The following GRIA3 variants were observed in gnomAD, a reference collection of about 807,000 sequenced individuals.
GRIA3 encodes the protein glutamate receptor 3.
GRIA3 carries 3 observed loss-of-function variants against 63.0 expected under a neutral mutation model. The observed-to-expected ratio is 0.05, with a 90% CI of 0.02 to 0.12. GRIA3 has a LOEUF of 0.12. GRIA3 is among the 10% of genes least tolerant of loss of function. The pLI is 1.00. For synonymous variants in GRIA3, 274 were observed against 257.9 expected (o/e 1.06, Z -0.60); for missense variants, 347 against 700.9 (o/e 0.50, Z 5.70).
At chrX:123,277,429 A>C (rs777307130) in intron 3 of GRIA3, among the ~76,000 whole-genome samples, 38 of 111,549 alleles carry the variant, frequency 3.4e-4, no homozygotes, top group Non-Finnish European at 6.0e-4. Flanking sequence ...GAATGAAGCT[A>C]GAAAAAGGGG....
At chrX:123,247,869 CAGAG>C (rs909571625) in intron 2 of GRIA3, among the ~76,000 whole-genome samples, 6 of 109,260 alleles carry the variant, frequency 5.5e-5, no homozygotes, top group African/African-American at 1.3e-4. Flanking sequence ...GCAAAGTACA[CAGAG>C]AGAGAGAGAG....
chrX:123,339,084 G>A (rs1447303700), intron 4 of GRIA3, among the ~76,000 whole-genome samples: 1 of 111,982 alleles, frequency 8.9e-6, no homozygotes, highest in Admixed American at 9.5e-5. Flanking sequence ...GATGTTTCAT[G>A]GGGATGGTTC....
chrX:123,206,026 A>G (rs1157957972), intron 2 of GRIA3, among the ~76,000 whole-genome samples: 1 of 111,526 alleles, frequency 9.0e-6, no homozygotes, highest in Non-Finnish European at 1.9e-5. Flanking sequence ...CCACTTTAGA[A>G]AGATATCCAC....
intron 5 of GRIA3, among the ~76,000 whole-genome samples, chrX:123,378,540 A>T (rs777136731): frequency 1.8e-5 from 2 of 108,839 alleles, no homozygotes; most frequent in Non-Finnish European, 3.8e-5. Flanking sequence ...CCTCTCAAGT[A>T]GCTGGGACTA....
intron 3 of GRIA3, among the ~76,000 whole-genome samples, chrX:123,315,323 A>G (rs142329583): frequency 0.03 from 3,328 of 112,398 alleles, 49 homozygotes; most frequent in Middle Eastern, 0.06. Context: ...ACAGACTGAC[A>G]TCCATATGCA....
At chrX:123,282,270 G>A (rs762232325) in intron 3 of GRIA3, among the ~76,000 whole-genome samples, 14 of 112,174 alleles carry the variant, frequency 1.2e-4, no homozygotes, top group African/African-American at 3.9e-4. Flanking sequence ...AGGAAACAAT[G>A]ATCTGTAGTA....
chrX:123,463,072 G>T (rs2045801986), intron 12 of GRIA3, among the ~76,000 whole-genome samples: 1 of 111,159 alleles, frequency 9.0e-6, no homozygotes, highest in African/African-American at 3.3e-5. Context: ...AATTCAAAAA[G>T]GTAAAGATGA....
At chrX:123,320,078 C>T (rs1188257251) in intron 3 of GRIA3, among the ~76,000 whole-genome samples, 1 of 111,546 alleles carries the variant, frequency 9.0e-6, no homozygotes, top group Non-Finnish European at 1.9e-5. Context: ...GGTGAAGACA[C>T]AGAAAAGGAA....
intron 3 of GRIA3, among the ~76,000 whole-genome samples, chrX:123,285,362 C>T (rs2044611101): frequency 9.1e-6 from 1 of 109,818 alleles, no homozygotes; most frequent in Non-Finnish European, 1.9e-5. Context: ...AAATAACCAG[C>T]TGGCATCATA....
At chrX:123,426,003 T>C (rs1186113192) in intron 11 of GRIA3, among the ~76,000 whole-genome samples, 1 of 67,848 alleles carries the variant, frequency 1.5e-5, no homozygotes, top group East Asian at 5.7e-4. Flanking sequence ...GGTGAAATGC[T>C]GGTACAGACA....
chrX:123,453,487 A>G (rs1390803525), intron 12 of GRIA3, among the ~76,000 whole-genome samples: 1 of 111,369 alleles, frequency 9.0e-6, no homozygotes, highest in Non-Finnish European at 1.9e-5. Flanking sequence ...ACATGTATAC[A>G]TATGTAACAA....
chrX:123,358,615 A>C (rs748727554), intron 5 of GRIA3: 21 of 112,378 alleles, frequency 1.9e-4, no homozygotes, highest in African/African-American at 6.5e-4. Flanking sequence ...ATCCCAATAG[A>C]GCAAGTAAGT....
At chrX:123,345,794 CCTCTT>C (rs1400184201) in intron 4 of GRIA3, among the ~76,000 whole-genome samples, 1 of 110,596 alleles carries the variant, frequency 9.0e-6, no homozygotes, top group African/African-American at 3.3e-5. Context: ...CAGCAGGAAA[CCTCTT>C]CTCTACCTTT....
intron 3 of GRIA3, among the ~76,000 whole-genome samples, chrX:123,296,458 T>C (rs1164574592): frequency 9.1e-6 from 1 of 110,489 alleles, no homozygotes; most frequent in East Asian, 2.8e-4. Flanking sequence ...CCTCCACATA[T>C]CATTTAAAAG....
chrX:123,218,561 G>A (rs1336041966), intron 2 of GRIA3, among the ~76,000 whole-genome samples: 3 of 111,053 alleles, frequency 2.7e-5, no homozygotes, highest in African/African-American at 9.8e-5. Context: ...CCAGGTTCAC[G>A]CCATTCTCCT....
chrX:123,222,088 A>G (rs2044222479), intron 2 of GRIA3, among the ~76,000 whole-genome samples: 1 of 111,640 alleles, frequency 9.0e-6, no homozygotes, highest in African/African-American at 3.3e-5. Context: ...CAAGAAGCAG[A>G]GCAGTTCTCT....
At chrX:123,205,190 G>C (rs1430197648) in intron 2 of GRIA3, among the ~76,000 whole-genome samples, 1 of 111,876 alleles carries the variant, frequency 8.9e-6, no homozygotes, top group South Asian at 3.7e-4. Context: ...TTCCCAGTAA[G>C]TGGCTGGGGT....
chrX:123,424,094 G>A (rs915487934), intron 11 of GRIA3, among the ~76,000 whole-genome samples: 1 of 111,750 alleles, frequency 8.9e-6, no homozygotes, highest in African/African-American at 3.2e-5. Context: ...ATTTCATTAC[G>A]CTAACCTTGA....
At chrX:123,185,578 C>T (rs553368590) in intron 1 of GRIA3, among the ~76,000 whole-genome samples, 2 of 109,898 alleles carry the variant, frequency 1.8e-5, no homozygotes, top group South Asian at 8.1e-4. Context: ...TTGGTTCCAT[C>T]GTCCTAACCC....
Sources: gnomAD v4.1 joint callset for allele counts (sites outside exome capture counted in the v4.1 genomes callset) on GRCh38, gnomAD v4.1.1 for gene constraint, MANE v1.5 for transcripts, NCBI Gene and HGNC (gene_info 2026-07-23, HGNC 2026-07-21) for gene names.